The following CADPS variants were observed in gnomAD, a reference collection of about 807,000 sequenced individuals.
CADPS encodes the protein calcium-dependent secretion activator 1.
Under a neutral mutation model 167.3 loss-of-function variants are expected in CADPS, and 57 were observed. That is an observed-to-expected ratio of 0.34 (90% CI 0.28 to 0.42). CADPS has a LOEUF of 0.42. CADPS is among the 20% of genes least tolerant of loss of function. The probability of loss-of-function intolerance (pLI) is 1.00; values close to 1 mark genes in which losing one functional copy is unlikely to be tolerated. For missense variants in CADPS, 1,414 were observed against 1,738.1 expected (o/e 0.81, Z 3.32); for synonymous variants, 676 against 635.3 (o/e 1.06, Z -0.96).
rs2094606782 is a variant in CADPS at position 62,816,237 on chromosome 3, T to C, written c.442-50253A>G. Among the ~76,000 whole-genome samples, 5 of 152,134 alleles carry C rather than the reference T, an allele frequency of 3.3e-5. No individual in the cohort carries two copies. In the South Asian group the frequency reaches 1.0e-3, roughly 32 times the overall value. On this transcript the variant is annotated intron_variant, in intron 1 of 29. Transcript: ENST00000383710. ...AAAATCCTTTCCCATTTTAACTGTT[T>C]CTGAACTGGTGTCTCTTTAGGAAAA...
intron 1 of CADPS, among the ~76,000 whole-genome samples, chr3:62,854,496 T>G (rs948518961): frequency 3.9e-5 from 6 of 152,234 alleles, no homozygotes; most frequent in African/African-American, 1.4e-4. Context: ...TAGGATTGGG[T>G]ATTCTCTGCT....
chr3:62,704,462 G>T (rs2081981497), intron 3 of CADPS, among the ~76,000 whole-genome samples: 1 of 152,058 alleles, frequency 6.6e-6, no homozygotes, highest in Non-Finnish European at 1.5e-5. Context: ...AGGAAATTTG[G>T]TGGTATCCAA....
At chr3:62,691,659 C>T (rs1168194509) in intron 3 of CADPS, among the ~76,000 whole-genome samples, 1 of 151,954 alleles carries the variant, frequency 6.6e-6, no homozygotes, top group Non-Finnish European at 1.5e-5. Context: ...AGCCATTATC[C>T]TCAGCAAACT....
intron 17 of CADPS, among the ~76,000 whole-genome samples, chr3:62,507,308 C>A (rs1313663805): frequency 2.0e-5 from 3 of 152,148 alleles, no homozygotes; most frequent in Admixed American, 2.0e-4. Context: ...CATCAAAGAC[C>A]CTGGCCTGGG....
chr3:62,578,433 AC>A (rs1298904502), intron 8 of CADPS, among the ~76,000 whole-genome samples: 1 of 151,798 alleles, frequency 6.6e-6, no homozygotes, highest in Non-Finnish European at 1.5e-5. Flanking sequence ...GCACGGTGAA[AC>A]CCTGTCTGTA....
intron 8 of CADPS, among the ~76,000 whole-genome samples, chr3:62,582,800 T>G (rs1281183316): frequency 1.3e-5 from 2 of 152,208 alleles, no homozygotes; most frequent in African/African-American, 4.8e-5. Flanking sequence ...TACATATTTC[T>G]TCTGTCATCT....
intron 4 of CADPS, among the ~76,000 whole-genome samples, chr3:62,651,305 A>G (rs780289763): frequency 5.3e-5 from 8 of 152,212 alleles, no homozygotes; most frequent in Admixed American, 1.3e-4. Context: ...GTACATAAAC[A>G]TATAGTAAGA....
At chr3:62,490,549 C>T (rs1481352847) in intron 21 of CADPS, among the ~76,000 whole-genome samples, 1 of 152,142 alleles carries the variant, frequency 6.6e-6, no homozygotes, top group Non-Finnish European at 1.5e-5. Flanking sequence ...ATTTGCCAAA[C>T]ATTTGTGGAA....
intron 6 of CADPS, among the ~76,000 whole-genome samples, chr3:62,594,176 T>TC (rs2086747973): frequency 6.7e-6 from 1 of 150,056 alleles, no homozygotes. Context: ...TTTATTTATT[T>TC]TTTGAGACAG....
intron 3 of CADPS, among the ~76,000 whole-genome samples, chr3:62,665,810 G>A (rs1018487073): frequency 6.6e-6 from 1 of 152,192 alleles, no homozygotes; most frequent in African/African-American, 2.4e-5. Flanking sequence ...TAACCTCTCT[G>A]TGCTCCAGCT....
intron 3 of CADPS, among the ~76,000 whole-genome samples, chr3:62,695,852 C>T (rs561061221): frequency 6.6e-6 from 1 of 152,120 alleles, no homozygotes; most frequent in East Asian, 1.9e-4. Flanking sequence ...ACCAGCCTGG[C>T]CCCCAAACCT....
At chr3:62,853,161 A>G (rs2078968247) in intron 1 of CADPS, among the ~76,000 whole-genome samples, 1 of 152,238 alleles carries the variant, frequency 6.6e-6, no homozygotes, top group Admixed American at 6.5e-5. Flanking sequence ...ACTGTGATCA[A>G]TACCACTTTT....
At chr3:62,620,912 A>G (rs571815754) in intron 6 of CADPS, among the ~76,000 whole-genome samples, 1 of 152,338 alleles carries the variant, frequency 6.6e-6, no homozygotes, top group East Asian at 1.9e-4. Context: ...GTCAGGATGC[A>G]GGATGATGAT....
chr3:62,723,566 T>A (rs553724233), intron 3 of CADPS, among the ~76,000 whole-genome samples: 5 of 152,216 alleles, frequency 3.3e-5, no homozygotes, highest in Admixed American at 6.5e-5. Context: ...CAGATGTTTA[T>A]CAGGCTAAAT....
At chr3:62,784,541 T>C (rs562510366) in intron 1 of CADPS, among the ~76,000 whole-genome samples, 1 of 152,314 alleles carries the variant, frequency 6.6e-6, no homozygotes, top group South Asian at 2.1e-4. Context: ...GAACTATTTA[T>C]TATGTGTCTA....
chr3:62,628,181 G>C (rs2064485952), intron 6 of CADPS, among the ~76,000 whole-genome samples: 1 of 152,186 alleles, frequency 6.6e-6, no homozygotes, highest in African/African-American at 2.4e-5. Context: ...GTGCAGAGGA[G>C]TAAGGCATTA....
At chr3:62,731,282 T>C (rs2077732298) in intron 3 of CADPS, among the ~76,000 whole-genome samples, 1 of 152,240 alleles carries the variant, frequency 6.6e-6, no homozygotes, top group Admixed American at 6.5e-5. Flanking sequence ...TGGTGGCTAT[T>C]ACAGCATTGT....
intron 28 of CADPS, among the ~76,000 whole-genome samples, chr3:62,429,667 A>T (rs2149578387): frequency 6.6e-6 from 1 of 151,576 alleles, no homozygotes. Context: ...ACTGTGTTTG[A>T]GTCTGTCACT....
intron 3 of CADPS, among the ~76,000 whole-genome samples, chr3:62,747,887 G>A (rs1230662294): frequency 6.6e-6 from 1 of 152,016 alleles, no homozygotes; most frequent in South Asian, 2.1e-4. Flanking sequence ...AGTGTGATCA[G>A]TAAGAGAAAA....
Sources: gnomAD v4.1 joint callset for allele counts (sites outside exome capture counted in the v4.1 genomes callset) on GRCh38, gnomAD v4.1.1 for gene constraint, MANE v1.5 for transcripts, NCBI Gene and HGNC (gene_info 2026-07-23, HGNC 2026-07-21) for gene names.